Variants in CR1 observed in about 807,000 individuals in gnomAD.
CR1 encodes complement C3b/C4b receptor 1 (Knops blood group).
CR1 carries 116 observed loss-of-function variants against 187.3 expected under a neutral mutation model. That is an observed-to-expected ratio of 0.62 (90% CI 0.53 to 0.72). The LOEUF (loss-of-function observed/expected upper bound fraction) is 0.72. Among genes scored for constraint, CR1 ranks in the 30% least tolerant of loss-of-function variants. The pLI, the probability that CR1 is intolerant of heterozygous loss-of-function variation, is 0.00. For missense variants in CR1, 1,731 were observed against 2,110.7 expected, an observed-to-expected ratio of 0.82 and a Z score of 3.52; for synonymous variants, 576 against 747.1, an observed-to-expected ratio of 0.77 and a Z score of 3.73.
intron 43 of CR1, 83 bp from the exon 44 acceptor site, chr1:207,621,890 G>T: frequency 8.7e-7 from 1 of 1,148,136 alleles, no homozygotes. Context: ...GAAAAATCAG[G>T]ATGACTTGTC....
At chr1:207,583,802 C>T (rs565664264) in intron 32 of CR1, among the ~76,000 whole-genome samples, 2 of 152,178 alleles carry the variant, frequency 1.3e-5, no homozygotes, top group East Asian at 3.9e-4. Context: ...AAAGAAAATA[C>T]CCTCATGAAC....
At position 207,639,903 on chromosome 1, in the gene CR1, ATG is replaced by A. The variant is rs895061190; in HGVS notation, c.*498_*499del. The A allele has an allele frequency of 6.8e-6, 1 of 147,104 alleles. No individual in the cohort carries two copies. The highest frequency in any genetic ancestry group is 2.8e-5 in the African/African-American group (1 of 35,998). The allele number at this position is 147,104 out of a possible 1,614,324, so 9.1% of individuals were successfully genotyped here. A position where few individuals can be genotyped will look rare whatever the true frequency, so the allele number is the denominator to read the frequency against. The stretch of plus-strand genomic sequence containing the variant: ...ATTTTCTGCCTATCTTCTTTCACAT[ATG>A]TGTTTTTTTACATACGTACTTTTCC... On this transcript the variant is annotated 3_prime_UTR_variant, in exon 47 of 47. Coordinates refer to ENST00000367049, the MANE Select transcript of CR1 (RefSeq NM_000651.6).
At position 207,616,628 on chromosome 1, in the gene CR1, C is replaced by T. The variant is rs770979910; in HGVS notation, c.6715C>T (p.Pro2239Ser). Residue 2239 changes from proline (P) to serine (S), a missense_variant, in exon 41 of 47, where the codon CCC (proline) becomes TCC (serine). Pro to Ser is a moderately conservative substitution (Grantham distance 74). Transcript: ENST00000367049. ...AILNGRHTGT[P>S]FGDIPYGKEI... ...CCTTAATGGGAGACACACAGGAACTCCCTTTGGAGATATTCCCTATGGAAA... is the reference window on the plus strand; with the variant it reads ...CCTTAATGGGAGACACACAGGAACTTCCTTTGGAGATATTCCCTATGGAAA... 9 of 1,613,782 alleles carry T rather than the reference C, an allele frequency of 5.6e-6. No individual in the cohort carries two copies. Among genetic ancestry groups the T allele is most frequent in the Middle Eastern group, 1.7e-4 (1 of 6,056 alleles).
chr1:207,585,122 G>A lies in CR1; in HGVS notation c.5530+246G>A, dbSNP rs181833121. On this transcript the variant is annotated intron_variant, in intron 33 of 46. Transcript: ENST00000367049. ...GGGTGGGAAAAAGGGACTGAGGGAG[G>A]GGTGGAGGGAAGGCAGTAAGGCACA... 1.1e-4 allele frequency among the ~76,000 whole-genome samples: 17 copies of A among 152,212 alleles called. No individual in the cohort carries two copies. The East Asian group carries it at 3.3e-3, about 29-fold the overall frequency.
At chr1:207,592,171 T>C (rs1044125568) in intron 35 of CR1, among the ~76,000 whole-genome samples, 2 of 152,204 alleles carry the variant, frequency 1.3e-5, no homozygotes, top group Admixed American at 1.3e-4. Flanking sequence ...ATATCCCTGA[T>C]GAACATTGAT....
chr1:207,564,863 A>C (rs184249600), intron 23 of CR1, among the ~76,000 whole-genome samples: 1 of 150,492 alleles, frequency 6.6e-6, no homozygotes, highest in Non-Finnish European at 1.5e-5. Flanking sequence ...CCCAGGAAAA[A>C]TTGCAAGTAA....
At chr1:207,583,731 A>C (rs1204008693) in intron 32 of CR1, among the ~76,000 whole-genome samples, 1 of 152,206 alleles carries the variant, frequency 6.6e-6, no homozygotes, top group African/African-American at 2.4e-5. Context: ...ACATTGTTGG[A>C]AGTCAGCTAT....
At chr1:207,513,696 G>C (rs1055629997) in intron 4 of CR1, among the ~76,000 whole-genome samples, 3 of 150,216 alleles carry the variant, frequency 2.0e-5, no homozygotes, top group African/African-American at 4.9e-5. Context: ...TTAACTCTTT[G>C]TCTTCTTTTC....
At position 207,623,076 on chromosome 1, in the gene CR1, T is replaced by C. The variant is rs2102405582; in HGVS notation, c.7352+8T>C. 1.3e-6 allele frequency: 2 copies of C among 1,550,820 alleles called. No homozygotes were observed. Among genetic ancestry groups the C allele is most frequent in the African/African-American group, 1.4e-5 (1 of 73,984 alleles). ...TCTAAAGCACAGAAAAGGGTAAGTA[T>C]AGCCATATTATCCCAAGAAATGTAA... is the stretch of plus-strand genomic sequence containing the variant. On this transcript the variant is annotated splice_region_variant and intron_variant, in intron 45 of 46. Transcript: ENST00000367049.
At chr1:207,575,136 C>G (rs996868883) in intron 27 of CR1, among the ~76,000 whole-genome samples, 1 of 151,622 alleles carries the variant, frequency 6.6e-6, no homozygotes, top group African/African-American at 2.4e-5. Context: ...GTCTCTTAGA[C>G]AAGATCAAAA....
chr1:207,615,184 A>G (rs1662056701), intron 40 of CR1, among the ~76,000 whole-genome samples: 1 of 152,164 alleles, frequency 6.6e-6, no homozygotes, highest in Non-Finnish European at 1.5e-5. Flanking sequence ...GCAGTATTTA[A>G]TGACATAGGG....
intron 28 of CR1, among the ~76,000 whole-genome samples, chr1:207,576,680 C>T (rs572036509): frequency 9.9e-5 from 15 of 151,976 alleles, no homozygotes; most frequent in East Asian, 5.9e-4. Context: ...TAAACAGGCA[C>T]GGTGGCACAT....
chr1:207,514,994 T>TACACACAC (rs369482432), intron 4 of CR1, among the ~76,000 whole-genome samples: 35 of 119,546 alleles, frequency 2.9e-4, no homozygotes, highest in Admixed American at 3.5e-4. Context: ...TATATATATA[T>TACACACAC]ACACACACAC....
At chr1:207,522,908 T>C (rs1170337105) in intron 4 of CR1, among the ~76,000 whole-genome samples, 1 of 152,226 alleles carries the variant, frequency 6.6e-6, no homozygotes, top group Non-Finnish European at 1.5e-5. Context: ...AAAATGTATT[T>C]AGGGGTTTTT....
intron 39 of CR1, among the ~76,000 whole-genome samples, chr1:207,613,034 G>C (rs1250085626): frequency 6.6e-6 from 1 of 152,126 alleles, no homozygotes; most frequent in Non-Finnish European, 1.5e-5. Context: ...CTTTCGCGTG[G>C]TACAGCTGCC....
chr1:207,578,428 G>A (rs1660836077), intron 29 of CR1, among the ~76,000 whole-genome samples: 1 of 152,190 alleles, frequency 6.6e-6, no homozygotes, highest in Non-Finnish European at 1.5e-5. Flanking sequence ...AAGCTATTTT[G>A]GACTCACCTA....
intron 45 of CR1, among the ~76,000 whole-genome samples, chr1:207,627,283 T>G (rs1662512155): frequency 1.3e-5 from 2 of 152,198 alleles, no homozygotes; most frequent in South Asian, 4.1e-4. Context: ...ATAATTACAT[T>G]CCATGTTTAT....
Position 207,580,346 on chromosome 1 carries a change from C to A in CR1, c.5043C>A (p.Asp1681Glu). 1 of 1,613,974 alleles carries A rather than the reference C, an allele frequency of 6.2e-7. No homozygotes were observed. The highest frequency in any genetic ancestry group is 1.1e-5 in the South Asian group (1 of 91,082). The change falls in exon 30 of 47, where the codon GAC (aspartate) becomes GAA (glutamate). Residue 1681 changes from aspartate to glutamate, a missense_variant. Coordinates refer to ENST00000367049, the MANE Select transcript of CR1 (RefSeq NM_000651.6). ...TCTACAGCTGTGAGCCTGGCTATGA[C>A]CTCAGAGGGGCTGCGTCTCTGCACT... Reference protein sequence around the residue: ...EVFYSCEPGYDLRGAASLHCT... With the variant: ...EVFYSCEPGYELRGAASLHCT...
chr1:207,575,210 C>T (rs1339353216), intron 27 of CR1, among the ~76,000 whole-genome samples: 1 of 149,650 alleles, frequency 6.7e-6, no homozygotes, highest in Admixed American at 6.7e-5. Context: ...TATACACACA[C>T]ACACACACAC....
Sources: gnomAD v4.1 joint callset for allele counts (sites outside exome capture counted in the v4.1 genomes callset) on GRCh38, gnomAD v4.1.1 for gene constraint, MANE v1.5 for transcripts, NCBI Gene and HGNC (gene_info 2026-07-23, HGNC 2026-07-21) for gene names.